Variants in MYO5B observed in about 807,000 individuals in gnomAD.
The protein encoded by MYO5B is myosin VB, also known as unconventional myosin-Vb.
In MYO5B, 143 loss-of-function variants were observed where a neutral mutation model predicts 229.3. That is an observed-to-expected ratio of 0.62 (90% confidence interval 0.54 to 0.72). MYO5B has a LOEUF of 0.72. Among genes scored for constraint, MYO5B ranks in the 30% least tolerant of loss-of-function variants. The pLI is 0.00. For synonymous variants in MYO5B, 918 were observed against 885.2 expected, an observed-to-expected ratio of 1.04 and a Z score of -0.66; for missense variants, 2,321 against 2,331.0, an observed-to-expected ratio of 1.00 and a Z score of 0.09.
At position 49,904,847 on chromosome 18, in the gene MYO5B, CA is replaced by C. The variant is rs768454895; in HGVS notation, c.2415-20del. On this transcript the variant is annotated intron_variant, in intron 19 of 39. Transcript: ENST00000285039. ...AGCCAGCCTGGGGAGCAAGAGGAAACAGGCAGTGTCAGGGAGAGAGTATTGA... is the reference window on the plus strand; with the variant it reads ...AGCCAGCCTGGGGAGCAAGAGGAAACGGCAGTGTCAGGGAGAGAGTATTGA... The C allele has an allele frequency of 6.2e-7, 1 of 1,612,410 alleles. No individual in the cohort carries two copies. Among genetic ancestry groups the C allele is most frequent in the South Asian group, 1.1e-5 (1 of 91,034 alleles).
At chr18:49,918,190 C>T (rs899876217) in intron 17 of MYO5B, among the ~76,000 whole-genome samples, 20 of 152,240 alleles carry the variant, frequency 1.3e-4, no homozygotes, top group African/African-American at 4.6e-4. Flanking sequence ...TGCAAATATT[C>T]TGCAGAACAA....
At chr18:49,968,827 T>C (rs1278685300) in intron 10 of MYO5B, among the ~76,000 whole-genome samples, 1 of 152,214 alleles carries the variant, frequency 6.6e-6, no homozygotes, top group Admixed American at 6.5e-5. Context: ...ACTGAAACAG[T>C]TGCTATAGAG....
At chr18:50,078,840 C>T (rs2031148738) in intron 1 of MYO5B, among the ~76,000 whole-genome samples, 1 of 152,078 alleles carries the variant, frequency 6.6e-6, no homozygotes, top group Admixed American at 6.5e-5. Flanking sequence ...AGAAAAAAAC[C>T]CAATGTTCAT....
At chr18:50,043,698 T>G (rs887420398) in intron 2 of MYO5B, among the ~76,000 whole-genome samples, 1 of 140,876 alleles carries the variant, frequency 7.1e-6, no homozygotes, top group Non-Finnish European at 1.5e-5. Context: ...AAATATATAT[T>G]TATATATAAA....
intron 1 of MYO5B, among the ~76,000 whole-genome samples, chr18:50,157,631 C>CA (rs1311274945): frequency 1.3e-5 from 2 of 152,210 alleles, no homozygotes; most frequent in African/African-American, 2.4e-5. Context: ...TGCTGCTTCT[C>CA]ATCCTTTGCT....
chr18:49,886,195 C>T (rs2024640058), intron 22 of MYO5B, among the ~76,000 whole-genome samples: 1 of 152,210 alleles, frequency 6.6e-6, no homozygotes. Context: ...CCACCTTGGC[C>T]TCCCAAAGTA....
chr18:50,121,476 G>T (rs2032057132), intron 1 of MYO5B, among the ~76,000 whole-genome samples: 1 of 152,144 alleles, frequency 6.6e-6, no homozygotes, highest in Non-Finnish European at 1.5e-5. Context: ...TTATCAAAGG[G>T]CTCTGTGTAG....
chr18:49,856,231 G>T (rs1394404807), intron 30 of MYO5B, among the ~76,000 whole-genome samples: 1 of 152,214 alleles, frequency 6.6e-6, no homozygotes, highest in Non-Finnish European at 1.5e-5. Flanking sequence ...CCGGGCTTCA[G>T]TGTCCCCACC....
intron 36 of MYO5B, among the ~76,000 whole-genome samples, chr18:49,838,356 C>G (rs1343822475): frequency 3.3e-5 from 5 of 152,188 alleles, no homozygotes; most frequent in Non-Finnish European, 7.3e-5. Context: ...GTCTGTCTGA[C>G]TCCAGAACTG....
chr18:50,050,613 C>G (rs1361852523), intron 2 of MYO5B, among the ~76,000 whole-genome samples: 1 of 152,214 alleles, frequency 6.6e-6, no homozygotes, highest in Non-Finnish European at 1.5e-5. Context: ...AGTGCTGTCA[C>G]AGCATGACCT....
At chr18:50,010,745 T>C (rs1401653874) in intron 4 of MYO5B, among the ~76,000 whole-genome samples, 1 of 152,242 alleles carries the variant, frequency 6.6e-6, no homozygotes, top group Non-Finnish European at 1.5e-5. Context: ...AACTATGATA[T>C]ACACATATAG....
At chr18:49,899,141 C>A (rs1417041728) in intron 21 of MYO5B, among the ~76,000 whole-genome samples, 1 of 152,170 alleles carries the variant, frequency 6.6e-6, no homozygotes, top group East Asian at 1.9e-4. Context: ...CTCACAAATA[C>A]CTTGGGACAC....
chr18:50,187,736 C>T (rs1357565328), intron 1 of MYO5B, among the ~76,000 whole-genome samples: 7 of 152,100 alleles, frequency 4.6e-5, no homozygotes, highest in Non-Finnish European at 8.8e-5. Flanking sequence ...AGGCTAGTCT[C>T]GAACTCCTGG....
At chr18:50,098,043 C>G (rs1481844254) in intron 1 of MYO5B, among the ~76,000 whole-genome samples, 1 of 152,166 alleles carries the variant, frequency 6.6e-6, no homozygotes, top group Admixed American at 6.5e-5. Context: ...CTTCTCACAC[C>G]CTGAACCACA....
At chr18:50,046,802 A>G (rs540440529) in intron 2 of MYO5B, among the ~76,000 whole-genome samples, 124 of 152,134 alleles carry the variant, frequency 8.2e-4, no homozygotes, top group African/African-American at 2.8e-3. Context: ...ACAACTATCT[A>G]ATCTTTGACA....
At chr18:50,047,020 T>C (rs1052552754) in intron 2 of MYO5B, among the ~76,000 whole-genome samples, 8 of 152,124 alleles carry the variant, frequency 5.3e-5, no homozygotes, top group African/African-American at 1.7e-4. Flanking sequence ...ATTCAGGACA[T>C]AGGCATGGGC....
intron 29 of MYO5B, among the ~76,000 whole-genome samples, chr18:49,861,051 C>T (rs1283034747): frequency 6.6e-6 from 1 of 152,210 alleles, no homozygotes; most frequent in Non-Finnish European, 1.5e-5. Flanking sequence ...GGCAGGCCCA[C>T]CATGGCCACT....
At chr18:50,076,934 A>T (rs2031093153) in intron 1 of MYO5B, among the ~76,000 whole-genome samples, 1 of 152,194 alleles carries the variant, frequency 6.6e-6, no homozygotes, top group South Asian at 2.1e-4. Context: ...GTTGCAAAAA[A>T]AAAAAAATCC....
rs138888431 is a variant in MYO5B at position 50,183,738 on chromosome 18, C to A, written c.27+11029G>T. Among the ~76,000 whole-genome samples the A allele has an allele frequency of 1.6e-4, 17 of 105,358 alleles. 1 individual carries two copies. The East Asian group carries it at 5.1e-3, about 31-fold the overall frequency. 69.1% of individuals were successfully genotyped at this position (105,358 alleles called of 152,430 possible). ...TGTTGAAATTTGATCCCCAATGTGGCGGGGGTGGGAGGCGGGGCCTAGTGG... is the reference window on the plus strand; with the variant it reads ...TGTTGAAATTTGATCCCCAATGTGGAGGGGGTGGGAGGCGGGGCCTAGTGG... On this transcript the variant is annotated intron_variant, in intron 1 of 39. Transcript: ENST00000285039.
Sources: gnomAD v4.1 joint callset for allele counts (sites outside exome capture counted in the v4.1 genomes callset) on GRCh38, gnomAD v4.1.1 for gene constraint, MANE v1.5 for transcripts, NCBI Gene and HGNC (gene_info 2026-07-23, HGNC 2026-07-21) for gene names.